The following CDH4 variants were observed in gnomAD, a reference collection of about 807,000 sequenced individuals.
CDH4 encodes cadherin-4.
A neutral mutation model predicts 86.0 loss-of-function variants in CDH4; 33 were observed. That is an observed-to-expected ratio of 0.38 (90% CI 0.29 to 0.51). The LOEUF (loss-of-function observed/expected upper bound fraction) is 0.51, where lower values mean the gene tolerates loss of function less well. CDH4 is among the 20% of genes least tolerant of loss of function. The pLI, the probability that CDH4 is intolerant of heterozygous loss-of-function variation, is 0.86. For synonymous variants in CDH4, 555 were observed against 549.4 expected (o/e 1.01, Z -0.14); for missense variants, 1,114 against 1,307.4 (o/e 0.85, Z 2.28).
intron 2 of CDH4, 125 bp downstream of exon 2, chr20:61,255,062 C>T: frequency 1.5e-6 from 1 of 667,660 alleles, no homozygotes; most frequent in Non-Finnish European, 2.7e-6. Flanking sequence ...GTGGTGAAGT[C>T]CACGAGGTGC....
At chr20:61,847,765 C>T (rs999317920) in intron 5 of CDH4, among the ~76,000 whole-genome samples, 4 of 152,080 alleles carry the variant, frequency 2.6e-5, no homozygotes, top group African/African-American at 9.7e-5. Context: ...GGGGAGCAGA[C>T]GTCCCACGTG....
chr20:61,788,479 C>G (rs766089567), intron 4 of CDH4, among the ~76,000 whole-genome samples: 1 of 152,152 alleles, frequency 6.6e-6, no homozygotes, highest in Non-Finnish European at 1.5e-5. Context: ...TCCTGGCTCC[C>G]AGCTCCCTTC....
At chr20:61,467,171 G>A (rs1243460819) in intron 2 of CDH4, among the ~76,000 whole-genome samples, 1 of 152,228 alleles carries the variant, frequency 6.6e-6, no homozygotes, top group Admixed American at 6.5e-5. Flanking sequence ...CAGAGTGGGA[G>A]TTTCCTCACA....
intron 2 of CDH4, among the ~76,000 whole-genome samples, chr20:61,274,643 GC>G (rs2084215516): frequency 1.8e-5 from 2 of 110,126 alleles, no homozygotes; most frequent in East Asian, 2.6e-4. Flanking sequence ...TGTGCAGTTT[GC>G]AGGAGTACCG....
intron 2 of CDH4, among the ~76,000 whole-genome samples, chr20:61,566,861 G>A (rs771287514): frequency 6.6e-5 from 10 of 152,062 alleles, no homozygotes; most frequent in Non-Finnish European, 1.2e-4. Flanking sequence ...GGTTTGCGCG[G>A]GAGGCTGCCG....
rs528677657 is a variant in CDH4 at position 61,930,468 on chromosome 20, C to T, written c.2239+626C>T. ...CTTCCCATCATCCCTCATGGACAGT[C>T]ACCGTGGTCTGTGATACCCCAGGGA... On this transcript the variant is annotated intron_variant, in intron 13 of 15. Transcript: ENST00000614565. Among the ~76,000 whole-genome samples, 21 of 152,272 alleles carry T rather than the reference C, an allele frequency of 1.4e-4. No homozygotes were observed. The South Asian group carries it at 3.7e-3, about 27-fold the overall frequency.
chr20:61,332,982 C>G (rs866889787), intron 2 of CDH4, among the ~76,000 whole-genome samples: 19 of 152,236 alleles, frequency 1.2e-4, no homozygotes, highest in African/African-American at 4.1e-4. Flanking sequence ...AAAGCTTCAG[C>G]CTTTCTTCCC....
chr20:61,758,230 A>G (rs2088589038), intron 3 of CDH4, among the ~76,000 whole-genome samples: 2 of 152,272 alleles, frequency 1.3e-5, no homozygotes, highest in South Asian at 2.1e-4. Flanking sequence ...GAGGTGATGT[A>G]TGGGAAGAAG....
intron 2 of CDH4, among the ~76,000 whole-genome samples, chr20:61,402,744 T>C (rs1468459698): frequency 1.3e-5 from 2 of 152,194 alleles, no homozygotes; most frequent in African/African-American, 2.4e-5. Flanking sequence ...AATCCATGGA[T>C]ATGGAACCCA....
chr20:61,578,876 A>C (rs748194605), intron 2 of CDH4, among the ~76,000 whole-genome samples: 1 of 152,194 alleles, frequency 6.6e-6, no homozygotes, highest in Non-Finnish European at 1.5e-5. Context: ...TCAAGCAATA[A>C]GACAACAGAC....
chr20:61,689,144 C>T (rs114240398), intron 2 of CDH4, among the ~76,000 whole-genome samples: 12 of 152,352 alleles, frequency 7.9e-5, no homozygotes, highest in South Asian at 4.1e-4. Flanking sequence ...GTCTAAGTAA[C>T]GCAGTTGGGC....
intron 2 of CDH4, among the ~76,000 whole-genome samples, chr20:61,400,423 G>A (rs2085043140): frequency 6.6e-6 from 1 of 152,196 alleles, no homozygotes; most frequent in South Asian, 2.1e-4. Context: ...TCAGAGTTCA[G>A]GGAAGAGGAC....
At chr20:61,565,405 C>CTCTT (rs60747414) in intron 2 of CDH4, among the ~76,000 whole-genome samples, 1,341 of 20,418 alleles carry the variant, frequency 0.066, 366 homozygotes, top group African/African-American at 0.26. Context: ...ATGGTGGTGG[C>CTCTT]GGTGCTCTTG....
Position 61,907,189 on chromosome 20 carries a change from GC to G in CDH4, c.1189-3226del, listed in dbSNP as rs201652845. Reference sequence around the variant, plus strand: ...CCTCACAGCTCTGTCCCACCCCCAGGCCCCCCCGGGCACCAGGTCAGCTCCT... The same window carrying G: ...CCTCACAGCTCTGTCCCACCCCCAGGCCCCCCGGGCACCAGGTCAGCTCCT... On this transcript the variant is annotated intron_variant, in intron 8 of 15. Coordinates refer to ENST00000614565, the MANE Select transcript of CDH4 (RefSeq NM_001794.5). Among the ~76,000 whole-genome samples the G allele has an allele frequency of 6.6e-5, 10 of 152,082 alleles. No individual in the cohort carries two copies. The South Asian group carries it at 8.3e-4, about 13-fold the overall frequency.
At chr20:61,728,599 C>T (rs1168073995) in intron 2 of CDH4, among the ~76,000 whole-genome samples, 1 of 152,116 alleles carries the variant, frequency 6.6e-6, no homozygotes, top group African/African-American at 2.4e-5. Context: ...ACCTCAGTTT[C>T]CTCTTTGGGA....
rs965245591 is a variant in CDH4, at chr20:61,754,552, A to G, written c.396+10763A>G. On this transcript the variant is annotated intron_variant, in intron 3 of 15. Transcript: ENST00000614565. This position sits in a 1 kb window ranked among gnomAD's most constrained non-coding sequence, Gnocchi z 4.7. Reference sequence around the variant, plus strand: ...AGAGGAGGGATGAGGAACGGGTGCCATTCCAAGGGCAGCAGCACACAACAG... The same window carrying G: ...AGAGGAGGGATGAGGAACGGGTGCCGTTCCAAGGGCAGCAGCACACAACAG... Among the ~76,000 whole-genome samples the G allele has an allele frequency of 1.6e-4, 25 of 151,570 alleles. No homozygotes were observed. The highest frequency in any genetic ancestry group is 5.6e-4 in the African/African-American group (23 of 40,892).
In CDH4 at chr20:61,501,803, T is replaced by C. The variant is rs1476920710; in HGVS notation, c.170-241760T>C. On this transcript the variant is annotated intron_variant, in intron 2 of 15. Coordinates refer to ENST00000614565, the MANE Select transcript of CDH4 (RefSeq NM_001794.5). The surrounding 1 kb of genome is among the most constrained non-coding windows in gnomAD (Gnocchi z 4.2). ...CACCAGACGCGACTAATGAAACTTT[T>C]CTGTTCTCTCCTTTCTAGGTAAGTG... Among the ~76,000 whole-genome samples, 2 of 152,194 alleles carry C rather than the reference T, an allele frequency of 1.3e-5. No individual in the cohort carries two copies. The highest frequency in any genetic ancestry group is 2.9e-5 in the Non-Finnish European group (2 of 68,040).
At chr20:61,257,470 T>C (rs2084104962) in intron 2 of CDH4, among the ~76,000 whole-genome samples, 1 of 152,224 alleles carries the variant, frequency 6.6e-6, no homozygotes, top group African/African-American at 2.4e-5. Context: ...AGCCGCGAAG[T>C]ATGGAAATGC....
chr20:61,885,274 C>T (rs1296981546), intron 7 of CDH4, among the ~76,000 whole-genome samples: 1 of 152,202 alleles, frequency 6.6e-6, no homozygotes, highest in Non-Finnish European at 1.5e-5. Context: ...TTCCATCACC[C>T]CAGAACCATC....
Sources: allele counts gnomAD v4.1 joint callset (sites outside exome capture counted in the v4.1 genomes callset), GRCh38; gene constraint gnomAD v4.1.1; non-coding constraint Gnocchi (gnomAD v3.1); transcripts MANE v1.5; gene names NCBI Gene and HGNC (gene_info 2026-07-23, HGNC 2026-07-21).